The following FHOD3 variants were observed in gnomAD, a reference collection of about 807,000 sequenced individuals.
FHOD3 encodes the protein formin homology 2 domain containing 3.
A neutral mutation model predicts 173.0 loss-of-function variants in FHOD3; 90 were observed. The observed-to-expected ratio is 0.52, with a 90% CI of 0.44 to 0.62. FHOD3 has a LOEUF of 0.62. Ranked by LOEUF, FHOD3 falls within the 20% of genes least tolerant of loss-of-function variation. FHOD3 has a pLI of 0.00. For missense variants in FHOD3, 1,945 were observed against 2,034.7 expected, an observed-to-expected ratio of 0.96 and a Z score of 0.85; for synonymous variants, 828 against 823.0, an observed-to-expected ratio of 1.01 and a Z score of -0.10.
intron 9 of FHOD3, 122 bp downstream of exon 9, chr18:36,612,217 C>T (rs978242084): frequency 1.9e-6 from 2 of 1,064,912 alleles, no homozygotes; most frequent in African/African-American, 3.2e-5. Flanking sequence ...AGAAACTCAG[C>T]ATCGTAGGCT....
At chr18:36,383,447 A>G (rs905591328) in intron 3 of FHOD3, among the ~76,000 whole-genome samples, 2 of 152,196 alleles carry the variant, frequency 1.3e-5, no homozygotes, top group African/African-American at 4.8e-5. Context: ...TGACACATAC[A>G]TTATCCTTAC....
chr18:36,669,792 T>C (rs150699072), intron 14 of FHOD3, among the ~76,000 whole-genome samples: 68 of 152,112 alleles, frequency 4.5e-4, no homozygotes, highest in African/African-American at 1.5e-3. Flanking sequence ...CTTTTAAATA[T>C]ATTTAAATAA....
rs150028379 is a variant in FHOD3, at chr18:36,754,849, T to C, written c.4233-270T>C. On this transcript the variant is annotated intron_variant, in intron 24 of 28. Transcript: ENST00000590592. ...CTGTTGAGGTCCTGCCACCTAGATA[T>C]AATCTCCATCAGTGGGAAAGTGAGT... Among the ~76,000 whole-genome samples, 1,104 of 151,946 alleles carry C rather than the reference T, an allele frequency of 7.3e-3. 11 individuals are homozygous for C. Among genetic ancestry groups the C allele is most frequent in the Non-Finnish European group, 0.011 (720 of 67,938 alleles).
intron 3 of FHOD3, among the ~76,000 whole-genome samples, chr18:36,440,319 C>T (rs561481491): frequency 1.2e-3 from 188 of 152,340 alleles, no homozygotes; most frequent in African/African-American, 4.2e-3. Context: ...CAGGGCACTT[C>T]AGGAAGCCTT....
intron 9 of FHOD3, among the ~76,000 whole-genome samples, chr18:36,617,301 CCTT>C (rs2033283437): frequency 1.3e-5 from 2 of 152,150 alleles, no homozygotes; most frequent in South Asian, 2.1e-4. Flanking sequence ...TGCTTTAGCT[CCTT>C]CTTCTCAGTC....
chr18:36,479,138 C>T (rs1412925452), intron 3 of FHOD3, among the ~76,000 whole-genome samples: 1 of 152,088 alleles, frequency 6.6e-6, no homozygotes, highest in Non-Finnish European at 1.5e-5. Flanking sequence ...ACATGTATTA[C>T]AGATAAAGTA....
At chr18:36,484,027 T>C (rs1201004258) in intron 3 of FHOD3, among the ~76,000 whole-genome samples, 2 of 152,236 alleles carry the variant, frequency 1.3e-5, no homozygotes, top group African/African-American at 4.8e-5. Context: ...CCAGATCTGC[T>C]GAAGCTAAAT....
intron 1 of FHOD3, among the ~76,000 whole-genome samples, chr18:36,327,461 T>C (rs1490173357): frequency 6.6e-6 from 1 of 152,274 alleles, no homozygotes; most frequent in Admixed American, 6.5e-5. Context: ...TGTGAGCCAC[T>C]GCCAGATGTT....
intron 24 of FHOD3, among the ~76,000 whole-genome samples, chr18:36,748,382 A>AACACACACACACACAAC (rs2042251099): frequency 7.0e-6 from 1 of 143,484 alleles, no homozygotes; most frequent in East Asian, 2.1e-4. Flanking sequence ...ACACACACAC[A>AACACACACACACACAAC]ACACACACAC....
chr18:36,494,828 G>C lies in FHOD3; in HGVS notation c.338-7104G>C, dbSNP rs565340838. The stretch of plus-strand genomic sequence containing the variant: ...TGATCTCAGCCCCCATTTCTGCTTT[G>C]AGTTTTACTGTTATACTTTTTTTTT... On this transcript the variant is annotated intron_variant, in intron 3 of 28. Coordinates refer to ENST00000590592, the MANE Select transcript of FHOD3 (RefSeq NM_001281740.3). 2.6e-4 allele frequency among the ~76,000 whole-genome samples: 40 copies of C among 152,276 alleles called. No homozygotes were observed. The South Asian group carries it at 8.1e-3, about 31-fold the overall frequency.
chr18:36,754,640 T>G (rs1216851226), intron 24 of FHOD3, among the ~76,000 whole-genome samples: 1 of 152,104 alleles, frequency 6.6e-6, no homozygotes, highest in Non-Finnish European at 1.5e-5. Context: ...TTCATGTCTA[T>G]TTTAAGTGTT....
intron 5 of FHOD3, among the ~76,000 whole-genome samples, chr18:36,515,806 G>A (rs1434610357): frequency 6.6e-6 from 1 of 152,138 alleles, no homozygotes; most frequent in Non-Finnish European, 1.5e-5. Flanking sequence ...CGACCAGAAG[G>A]CTCCCCATGC....
At chr18:36,372,626 G>A in intron 2 of FHOD3, 54 bp from the exon 3 acceptor site, 1 of 1,486,432 alleles carries the variant, frequency 6.7e-7, no homozygotes, top group Non-Finnish European at 9.4e-7. Flanking sequence ...GACAGCATGT[G>A]AGGTGTCTCT....
chr18:36,574,187 A>G (rs910241046), intron 5 of FHOD3, among the ~76,000 whole-genome samples: 2 of 152,228 alleles, frequency 1.3e-5, no homozygotes, highest in African/African-American at 4.8e-5. Flanking sequence ...TTATAGTTCT[A>G]GATAGCCTTA....
At chr18:36,503,057 T>G (rs1599409288) in intron 4 of FHOD3, among the ~76,000 whole-genome samples, 1 of 152,184 alleles carries the variant, frequency 6.6e-6, no homozygotes, top group African/African-American at 2.4e-5. Context: ...TGCCCCCTTG[T>G]GTACCTGTGC....
intron 3 of FHOD3, among the ~76,000 whole-genome samples, chr18:36,421,258 A>G (rs1157810572): frequency 6.6e-6 from 1 of 152,082 alleles, no homozygotes; most frequent in African/African-American, 2.4e-5. Flanking sequence ...AGGGAAATAC[A>G]CACAAATTGA....
intron 3 of FHOD3, among the ~76,000 whole-genome samples, chr18:36,406,463 C>T (rs961863368): frequency 2.0e-5 from 3 of 152,004 alleles, no homozygotes; most frequent in Non-Finnish European, 4.4e-5. Context: ...CATTTGGGTC[C>T]GGACCTTCTG....
intron 10 of FHOD3, among the ~76,000 whole-genome samples, chr18:36,642,344 G>T (rs755610528): frequency 3.5e-4 from 53 of 152,062 alleles, no homozygotes; most frequent in Non-Finnish European, 7.2e-4. Flanking sequence ...TGTAGGCCAG[G>T]CGCAGTGGTT....
At chr18:36,311,895 T>C (rs1568106838) in intron 1 of FHOD3, among the ~76,000 whole-genome samples, 1 of 152,152 alleles carries the variant, frequency 6.6e-6, no homozygotes, top group African/African-American at 2.4e-5. Context: ...CACCCTCTCC[T>C]TCCCTCTGAG....
Sources: allele counts gnomAD v4.1 joint callset (sites outside exome capture counted in the v4.1 genomes callset), GRCh38; gene constraint gnomAD v4.1.1; transcripts MANE v1.5; gene names NCBI Gene and HGNC (gene_info 2026-07-23, HGNC 2026-07-21).